Variants in KCNIP4 observed in about 807,000 individuals in gnomAD.
KCNIP4 encodes Kv channel-interacting protein 4.
In KCNIP4, 12 loss-of-function variants were observed where a neutral mutation model predicts 34.0. The observed-to-expected ratio is 0.35, with a 90% confidence interval of 0.23 to 0.57. The LOEUF (loss-of-function observed/expected upper bound fraction) is 0.57, where lower values mean the gene tolerates loss of function less well. Among genes scored for constraint, KCNIP4 ranks in the 20% least tolerant of loss-of-function variants. The pLI is 0.83. For missense variants in KCNIP4, 238 were observed against 311.7 expected (o/e 0.76, Z 1.78); for synonymous variants, 124 against 102.2 (o/e 1.21, Z -1.29).
chr4:21,113,463 A>AT (rs1212519760), intron 1 of KCNIP4, among the ~76,000 whole-genome samples: 4 of 144,978 alleles, frequency 2.8e-5, no homozygotes, highest in Non-Finnish European at 6.0e-5. Context: ...TTTAAAAAAA[A>AT]AAAAAAAAAA....
intron 1 of KCNIP4, among the ~76,000 whole-genome samples, chr4:20,910,606 G>A (rs985752571): frequency 7.2e-5 from 11 of 152,124 alleles, no homozygotes; most frequent in African/African-American, 1.9e-4. Flanking sequence ...TTTCCCTTTC[G>A]TAAATTCTAA....
At chr4:21,106,426 G>A (rs896728349) in intron 1 of KCNIP4, among the ~76,000 whole-genome samples, 4 of 151,664 alleles carry the variant, frequency 2.6e-5, no homozygotes, top group African/African-American at 4.9e-5. Flanking sequence ...TTGTATTTCT[G>A]TGGGATCGGT....
intron 1 of KCNIP4, among the ~76,000 whole-genome samples, chr4:21,060,661 T>C (rs1347676593): frequency 6.6e-6 from 1 of 152,124 alleles, no homozygotes; most frequent in African/African-American, 2.4e-5. Flanking sequence ...GTAAGAATAG[T>C]TAAGAAGTAA....
At chr4:20,785,027 CTG>C (rs957099980) in intron 3 of KCNIP4, among the ~76,000 whole-genome samples, 1 of 152,134 alleles carries the variant, frequency 6.6e-6, no homozygotes, top group African/African-American at 2.4e-5. Flanking sequence ...ACCCCAGAAA[CTG>C]GGGATATATA....
intron 1 of KCNIP4, among the ~76,000 whole-genome samples, chr4:21,420,904 A>C (rs1341822032): frequency 6.6e-6 from 1 of 152,204 alleles, no homozygotes; most frequent in Non-Finnish European, 1.5e-5. Flanking sequence ...TAAGGGGTTA[A>C]TATCACAAAT....
chr4:21,364,529 C>T (rs1719534332), intron 1 of KCNIP4, among the ~76,000 whole-genome samples: 1 of 151,874 alleles, frequency 6.6e-6, no homozygotes, highest in Admixed American at 6.6e-5. Context: ...ACATGTAATC[C>T]ACCGGTTAAA....
At chr4:20,825,225 GTTTT>G (rs71181592) in intron 3 of KCNIP4, among the ~76,000 whole-genome samples, 39 of 113,612 alleles carry the variant, frequency 3.4e-4, no homozygotes, top group African/African-American at 1.2e-3. Flanking sequence ...TCAATTTTAC[GTTTT>G]TTTTTTTTTT....
chr4:21,193,436 A>G (rs1413631762), intron 1 of KCNIP4, among the ~76,000 whole-genome samples: 1 of 152,114 alleles, frequency 6.6e-6, no homozygotes, highest in East Asian at 1.9e-4. Flanking sequence ...GCTGAGAAAA[A>G]ATATTTTATC....
chr4:21,756,745 T>A (rs538564353), intron 1 of KCNIP4, among the ~76,000 whole-genome samples: 1 of 152,110 alleles, frequency 6.6e-6, no homozygotes, highest in South Asian at 2.1e-4. Context: ...CAATGAACAC[T>A]CCTGAAATTT....
intron 3 of KCNIP4, among the ~76,000 whole-genome samples, chr4:20,780,556 G>A (rs546797373): frequency 1.3e-5 from 2 of 152,132 alleles, no homozygotes; most frequent in Non-Finnish European, 2.9e-5. Flanking sequence ...TCTTACTTCA[G>A]GAACTGCCAA....
At chr4:21,730,666 T>C (rs532525530) in intron 1 of KCNIP4, among the ~76,000 whole-genome samples, 47 of 152,234 alleles carry the variant, frequency 3.1e-4, no homozygotes, top group Admixed American at 2.6e-3. Context: ...GAGTCACGGA[T>C]GTGCCAGCCA....
chr4:20,868,977 GA>G (rs1370592770), intron 2 of KCNIP4, among the ~76,000 whole-genome samples: 7 of 151,934 alleles, frequency 4.6e-5, no homozygotes, highest in African/African-American at 1.7e-4. Context: ...CATAGAATTT[GA>G]AAAAGAAGAA....
intron 1 of KCNIP4, among the ~76,000 whole-genome samples, chr4:21,132,417 C>T (rs185480634): frequency 6.6e-6 from 1 of 152,206 alleles, no homozygotes; most frequent in Non-Finnish European, 1.5e-5. Flanking sequence ...CTCTTGGATA[C>T]TGGATCCAGA....
chr4:21,408,883 G>A (rs1252571792), intron 1 of KCNIP4, among the ~76,000 whole-genome samples: 1 of 152,048 alleles, frequency 6.6e-6, no homozygotes, highest in African/African-American at 2.4e-5. Context: ...TTTAGTAAAG[G>A]TTAGTTCACA....
At chr4:20,906,781 T>A (rs540757729) in intron 1 of KCNIP4, among the ~76,000 whole-genome samples, 135 of 152,324 alleles carry the variant, frequency 8.9e-4, no homozygotes, top group African/African-American at 3.2e-3. Flanking sequence ...CTTTAGACCC[T>A]TGCCATTGCA....
chr4:21,190,506 TGG>T (rs61311061), intron 1 of KCNIP4, among the ~76,000 whole-genome samples: 41 of 66,590 alleles, frequency 6.2e-4, no homozygotes, highest in African/African-American at 8.4e-4. Context: ...TGCGAGTGGG[TGG>T]GGGGGGGCAC....
chr4:20,733,967 C>T (rs1052688066), intron 6 of KCNIP4, among the ~76,000 whole-genome samples: 6 of 152,070 alleles, frequency 3.9e-5, no homozygotes, highest in Non-Finnish European at 8.8e-5. Flanking sequence ...GCCTCTTGCT[C>T]AAAACTCAAT....
chr4:21,250,113 T>C (rs937064399), intron 1 of KCNIP4, among the ~76,000 whole-genome samples: 3 of 128,346 alleles, frequency 2.3e-5, no homozygotes, highest in Admixed American at 2.2e-4. Context: ...GAGGATCTCA[T>C]TTCTTTCTTT....
At chr4:21,490,623 T>C (rs1446405537) in intron 1 of KCNIP4, among the ~76,000 whole-genome samples, 1 of 152,208 alleles carries the variant, frequency 6.6e-6, no homozygotes, top group Non-Finnish European at 1.5e-5. Flanking sequence ...TAACAAGTCA[T>C]TCTGTAAAAC....
Sources: allele counts gnomAD v4.1 joint callset (sites outside exome capture counted in the v4.1 genomes callset), GRCh38; gene constraint gnomAD v4.1.1; transcripts MANE v1.5; gene names NCBI Gene and HGNC (gene_info 2026-07-23, HGNC 2026-07-21).